Variants in CES5A observed in about 807,000 individuals in gnomAD.
CES5A encodes the protein carboxylesterase 5.
Under a neutral mutation model 62.9 loss-of-function variants are expected in CES5A, and 67 were observed. That is an observed-to-expected ratio of 1.07 (90% CI 0.88 to 1.31). The LOEUF (loss-of-function observed/expected upper bound fraction) is 1.31. CES5A is among the 50% of genes most tolerant of loss of function. CES5A has a pLI of 0.00. For synonymous variants in CES5A, 296 were observed against 280.8 expected, an observed-to-expected ratio of 1.05 and a Z score of -0.54; for missense variants, 748 against 708.5, an observed-to-expected ratio of 1.06 and a Z score of -0.63.
chr16:55,863,469 G>A lies in CES5A; in HGVS notation c.706-17C>T, dbSNP rs1292098745. On this transcript the variant is annotated splice_polypyrimidine_tract_variant and intron_variant, in intron 5 of 12. Coordinates refer to ENST00000290567, the MANE Select transcript of CES5A (RefSeq NM_001143685.2). ...AGACAGTATCTGGAGAGAGAACACA[G>A]AAGACCCAGGAAAGGTTACTCCCCA... 1 of 1,302,690 alleles carries A rather than the reference G, an allele frequency of 7.7e-7. No individual in the cohort carries two copies. Among genetic ancestry groups the A allele is most frequent in the South Asian group, 1.2e-5 (1 of 84,806 alleles). 80.7% of individuals were successfully genotyped at this position (1,302,690 alleles called of 1,614,324 possible). A position where few individuals can be genotyped will look rare whatever the true frequency, so the allele number is the denominator to read the frequency against.
At chr16:55,863,721 T>A (rs1415442795) in intron 5 of CES5A, among the ~76,000 whole-genome samples, 1 of 151,972 alleles carries the variant, frequency 6.6e-6, no homozygotes, top group Non-Finnish European at 1.5e-5. Context: ...CTAGGTAACC[T>A]CGGACAAGTT....
intron 1 of CES5A, among the ~76,000 whole-genome samples, chr16:55,900,473 G>A (rs1198092512): frequency 6.6e-6 from 1 of 152,164 alleles, no homozygotes; most frequent in Non-Finnish European, 1.5e-5. Context: ...TGGATAAGGA[G>A]CCTTTCACTC....
chr16:55,854,698 AT>A (rs1166934258), intron 9 of CES5A, among the ~76,000 whole-genome samples: 1 of 149,322 alleles, frequency 6.7e-6, no homozygotes, highest in Non-Finnish European at 1.5e-5. Context: ...GGCCTGGCTA[AT>A]TTTTTTATTT....
chr16:55,873,884 T>A lies in CES5A; in HGVS notation c.227A>T (p.Gln76Leu), dbSNP rs779799345. 6.2e-7 allele frequency: 1 copy of A among 1,613,762 alleles called. No individual in the cohort carries two copies. The highest frequency in any genetic ancestry group is 8.5e-7 in the Non-Finnish European group (1 of 1,179,962). Residue 76 changes from glutamine (Q) to leucine (L), a missense_variant, in exon 2 of 13, where the codon CAG (glutamine) becomes CTG (leucine). Coordinates refer to ENST00000290567, the MANE Select transcript of CES5A (RefSeq NM_001143685.2). ...PLGSLRFTNPQPASPWDNLRE... is the reference protein window; with the variant it reads ...PLGSLRFTNPLPASPWDNLRE... ...CAAGTTATCCCAGGGCGATGCAGGC[T>A]GCGGGTTCGTAAATCGCAGGGATCC...
chr16:55,948,152 A>G (rs1196154631), intron 2 of CES5A, among the ~76,000 whole-genome samples: 1 of 152,212 alleles, frequency 6.6e-6, no homozygotes, highest in African/African-American at 2.4e-5. Context: ...TGCCTGGGAT[A>G]AAGAGACACA....
upstream of CES5A, among the ~76,000 whole-genome samples, chr16:55,929,476 C>T (rs768380962): frequency 6.4e-4 from 98 of 152,266 alleles, no homozygotes; most frequent in Middle Eastern, 6.8e-3. Context: ...CCCCATGACT[C>T]CCCACATCCA....
At chr16:55,861,604 A>G in intron 6 of CES5A, 88 bp from the exon 7 acceptor site, 1 of 895,870 alleles carries the variant, frequency 1.1e-6, no homozygotes, top group Non-Finnish European at 1.8e-6. Flanking sequence ...AATCAGCCAC[A>G]GGCTGGCCCT....
intron 8 of CES5A, among the ~76,000 whole-genome samples, chr16:55,858,406 G>T (rs1597115003): frequency 6.6e-6 from 1 of 152,186 alleles, no homozygotes; most frequent in African/African-American, 2.4e-5. Flanking sequence ...CTGGGGAACT[G>T]GTTACAGTAG....
chr16:55,863,888 C>G (rs2033404108), intron 5 of CES5A, among the ~76,000 whole-genome samples: 1 of 151,862 alleles, frequency 6.6e-6, no homozygotes, highest in South Asian at 2.1e-4. Context: ...TCCAGAGTAG[C>G]TGAGATTACA....
chr16:55,944,213 G>T, intron 2 of CES5A: 2 of 665,708 alleles, frequency 3.0e-6, no homozygotes, highest in Non-Finnish European at 5.5e-6. Flanking sequence ...CTGACAGTAC[G>T]ACTCTGAACA....
At chr16:55,887,928 C>T (rs779426597) in intron 1 of CES5A, among the ~76,000 whole-genome samples, 1 of 152,064 alleles carries the variant, frequency 6.6e-6, no homozygotes, top group Non-Finnish European at 1.5e-5. Context: ...CTTGAGCGGC[C>T]GAGTACTGCA....
intron 11 of CES5A, 87 bp downstream of exon 11, chr16:55,849,536 GC>G: frequency 7.0e-7 from 1 of 1,428,238 alleles, no homozygotes; most frequent in Non-Finnish European, 9.6e-7. Context: ...GTAATTAAAT[GC>G]CAACCCCGAA....
upstream of CES5A, among the ~76,000 whole-genome samples, chr16:55,927,886 C>A (rs1034648519): frequency 2.6e-5 from 4 of 152,152 alleles, no homozygotes; most frequent in Non-Finnish European, 4.4e-5. Flanking sequence ...TTCCCATCAA[C>A]TGACAAGTGG....
chr16:55,887,660 T>G (rs2033830813), intron 1 of CES5A, among the ~76,000 whole-genome samples: 1 of 152,130 alleles, frequency 6.6e-6, no homozygotes, highest in Non-Finnish European at 1.5e-5. Flanking sequence ...GAAGACTATG[T>G]GACAGTGTAA....
chr16:55,849,167 A>G (rs1458205022), intron 11 of CES5A, among the ~76,000 whole-genome samples: 1 of 152,166 alleles, frequency 6.6e-6, no homozygotes, highest in Non-Finnish European at 1.5e-5. Flanking sequence ...AGCTAACATC[A>G]CAAGTAACAT....
intron 1 of CES5A, among the ~76,000 whole-genome samples, chr16:55,951,859 T>C (rs1169069264): frequency 6.6e-6 from 1 of 152,204 alleles, no homozygotes; most frequent in Non-Finnish European, 1.5e-5. Flanking sequence ...AGAGACCTTA[T>C]TATTCATCTC....
At chr16:55,955,911 A>G in exon 1 of CES5A, 1 of 1,535,968 alleles carries the variant, frequency 6.5e-7, no homozygotes, top group Non-Finnish European at 8.7e-7. Context: ...TCCTAACACA[A>G]AACCTCAGCA....
chr16:55,926,632 A>G (rs780464843), upstream of CES5A, among the ~76,000 whole-genome samples: 4 of 152,236 alleles, frequency 2.6e-5, no homozygotes, highest in Non-Finnish European at 4.4e-5. Flanking sequence ...ACTCTGGCAA[A>G]ATTACCGTTG....
At chr16:55,854,522 G>A (rs2033193828) in intron 9 of CES5A, among the ~76,000 whole-genome samples, 1 of 51,092 alleles carries the variant, frequency 2.0e-5, no homozygotes, top group African/African-American at 6.3e-5. Flanking sequence ...ATATCTGCCT[G>A]TAGTGTTTCT....
Sources: allele counts gnomAD v4.1 joint callset (sites outside exome capture counted in the v4.1 genomes callset), GRCh38; gene constraint gnomAD v4.1.1; transcripts MANE v1.5; gene names NCBI Gene and HGNC (gene_info 2026-07-23, HGNC 2026-07-21).